Variants in IPO8 observed in about 807,000 individuals in gnomAD.
The protein encoded by IPO8 is importin 8.
Under a neutral mutation model 141.2 loss-of-function variants are expected in IPO8, and 65 were observed. The observed-to-expected ratio is 0.46, with a 90% confidence interval of 0.38 to 0.57. The LOEUF (loss-of-function observed/expected upper bound fraction) is 0.57. IPO8 is among the 20% of genes least tolerant of loss of function. The probability of loss-of-function intolerance (pLI) is 0.00; values close to 1 mark genes in which losing one functional copy is unlikely to be tolerated. For missense variants in IPO8, 980 were observed against 1,246.8 expected, an observed-to-expected ratio of 0.79 and a Z score of 3.22; for synonymous variants, 411 against 420.3, an observed-to-expected ratio of 0.98 and a Z score of 0.27.
At chr12:30,652,882 A>T (rs1384640073) in intron 18 of IPO8, 85 bp downstream of exon 18, 1 of 1,199,524 alleles carries the variant, frequency 8.3e-7, no homozygotes, top group African/African-American at 1.5e-5. Flanking sequence ...CAATATTGGA[A>T]TCATATGTGT....
intron 17 of IPO8, among the ~76,000 whole-genome samples, chr12:30,655,229 T>A (rs1449452659): frequency 6.6e-6 from 1 of 152,174 alleles, no homozygotes; most frequent in Admixed American, 6.5e-5. Flanking sequence ...CAGAGTAGTT[T>A]CACTGCATAA....
intron 20 of IPO8, among the ~76,000 whole-genome samples, chr12:30,643,759 C>T (rs1191845332): frequency 6.6e-6 from 1 of 152,242 alleles, no homozygotes; most frequent in Non-Finnish European, 1.5e-5. Flanking sequence ...CATCCACTTC[C>T]CCTTTGACCT....
At chr12:30,693,262 G>A (rs1028325957) in intron 1 of IPO8, among the ~76,000 whole-genome samples, 4 of 152,138 alleles carry the variant, frequency 2.6e-5, no homozygotes, top group Non-Finnish European at 4.4e-5. Context: ...TATAGGGTTC[G>A]CTCAATATCC....
At chr12:30,670,117 T>C (rs555203271) in intron 9 of IPO8, among the ~76,000 whole-genome samples, 1 of 152,344 alleles carries the variant, frequency 6.6e-6, no homozygotes, top group African/African-American at 2.4e-5. Flanking sequence ...ATGAAATCAG[T>C]ATCTTTATTA....
intron 13 of IPO8, among the ~76,000 whole-genome samples, chr12:30,664,233 CT>C (rs1451212084): frequency 6.6e-6 from 1 of 152,174 alleles, no homozygotes; most frequent in African/African-American, 2.4e-5. Context: ...ATTCATATAA[CT>C]TCTCAAAGGT....
intron 2 of IPO8, among the ~76,000 whole-genome samples, chr12:30,685,049 T>C (rs1287787182): frequency 1.3e-5 from 2 of 152,218 alleles, no homozygotes; most frequent in African/African-American, 4.8e-5. Flanking sequence ...TCTGTTCTTT[T>C]TAATCGTCTT....
At chr12:30,658,193 C>T (rs1440804429) in intron 16 of IPO8, among the ~76,000 whole-genome samples, 1 of 152,148 alleles carries the variant, frequency 6.6e-6, no homozygotes. Context: ...ATGCTTAAAA[C>T]CATTAAACAA....
chr12:30,685,572 T>C (rs192801747), intron 2 of IPO8, among the ~76,000 whole-genome samples: 63 of 151,904 alleles, frequency 4.1e-4, no homozygotes, highest in Non-Finnish European at 7.5e-4. Flanking sequence ...ATAACTTTCT[T>C]CCCTTAAGCT....
intron 10 of IPO8, among the ~76,000 whole-genome samples, 180 bp downstream of exon 10, chr12:30,669,003 G>A (rs865819624): frequency 1.3e-5 from 2 of 152,126 alleles, no homozygotes; most frequent in African/African-American, 2.4e-5. Context: ...TCCCACATCC[G>A]ACAATCTCCA....
chr12:30,642,363 T>C (rs1188560655), intron 20 of IPO8, among the ~76,000 whole-genome samples: 1 of 152,078 alleles, frequency 6.6e-6, no homozygotes, highest in Non-Finnish European at 1.5e-5. Context: ...ACAGGTTCAA[T>C]AGAAACCCAA....
intron 3 of IPO8, among the ~76,000 whole-genome samples, chr12:30,682,321 C>T (rs946500033): frequency 5.9e-5 from 9 of 152,076 alleles, no homozygotes; most frequent in African/African-American, 2.2e-4. Context: ...AACCCAACAT[C>T]GTATGTTGAA....
At chr12:30,652,885 A>G (rs1287664253) in intron 18 of IPO8, 82 bp downstream of exon 18, 5 of 1,211,838 alleles carry the variant, frequency 4.1e-6, no homozygotes, top group Non-Finnish European at 5.8e-6. Context: ...TATTGGAATC[A>G]TATGTGTTTT....
intron 16 of IPO8, among the ~76,000 whole-genome samples, chr12:30,660,931 AC>A (rs373936207): frequency 0.54 from 80,504 of 148,688 alleles, 22,544 homozygotes; most frequent in African/African-American, 0.67. Flanking sequence ...TATAATATTT[AC>A]ATTATAATAT....
chr12:30,662,495 A>G lies in IPO8; in HGVS notation c.1595-8T>C, dbSNP rs145854587. ...GCTTCATATATTCCTTAGCTAATTC[A>G]ATAAAACAAACAAAAGTAATAAAAA... On this transcript the variant is annotated splice_region_variant and splice_polypyrimidine_tract_variant and intron_variant, in intron 14 of 24. Coordinates refer to ENST00000256079, the MANE Select transcript of IPO8 (RefSeq NM_006390.4). 557 of 1,602,718 alleles carry G rather than the reference A, an allele frequency of 3.5e-4. 5 individuals are homozygous for G. The East Asian group carries it at 0.012, about 35-fold the overall frequency.
chr12:30,637,168 AC>A lies in IPO8; in HGVS notation c.2508del (p.Met836IlefsTer3). 1 of 1,613,566 alleles carries A rather than the reference AC, an allele frequency of 6.2e-7. No homozygotes were observed. Among genetic ancestry groups the A allele is most frequent in the Middle Eastern group, 1.7e-4 (1 of 6,058 alleles). ...AAAAGGATACTCAGTCCTATTATAC[AC>A]ATCTTCCGGTCATGATGCCTGCAAA... Reference protein sequence around the residue: ...DCFLGHHDRKMCIIGLSILLE... With the variant: ...DCFLGHHDRKXCIIGLSILLE... On this transcript the variant is annotated frameshift_variant, in exon 22 of 25. Transcript: ENST00000256079. LOFTEE classifies it high-confidence loss of function.
intron 8 of IPO8, among the ~76,000 whole-genome samples, chr12:30,671,674 CAAAAA>C (rs71052423): frequency 1.8e-5 from 1 of 56,474 alleles, no homozygotes; most frequent in African/African-American, 7.3e-5. Flanking sequence ...GACTCTGCCT[CAAAAA>C]AAAAAAAAAA....
intron 16 of IPO8, among the ~76,000 whole-genome samples, chr12:30,660,189 C>A (rs150132770): frequency 6.6e-6 from 1 of 152,170 alleles, no homozygotes; most frequent in Non-Finnish European, 1.5e-5. Flanking sequence ...TGCCACTGCA[C>A]GCCAGCCTAG....
chr12:30,643,756 T>C (rs1277531288), intron 20 of IPO8, among the ~76,000 whole-genome samples: 2 of 152,220 alleles, frequency 1.3e-5, no homozygotes, highest in Non-Finnish European at 2.9e-5. Context: ...ATACATCCAC[T>C]TCCCCTTTGA....
chr12:30,684,352 T>C lies in IPO8; in HGVS notation c.272A>G (p.Gln91Arg), dbSNP rs1565510289. ...TCCTTCCACAATGTTATCACGTATTTGCTGGCGATCGTTTTCGTGAATGTT... is the reference window on the plus strand; with the variant it reads ...TCCTTCCACAATGTTATCACGTATTCGCTGGCGATCGTTTTCGTGAATGTT... ...PFNIHENDRQ[Q>R]IRDNIVEGII... The change falls in exon 3 of 25, where the codon CAA (glutamine) becomes CGA (arginine). Residue 91 changes from glutamine (Q) to arginine (R), a missense_variant. This residue lies in a region of IPO8 where 924 missense variants were observed against 1,153.9 expected (regional missense o/e 0.80). Transcript: ENST00000256079. 6.2e-7 allele frequency: 1 copy of C among 1,614,188 alleles called. No homozygotes were observed. The highest frequency in any genetic ancestry group is 1.7e-5 in the Admixed American group (1 of 60,026).
Sources: allele counts gnomAD v4.1 joint callset (sites outside exome capture counted in the v4.1 genomes callset), GRCh38; gene constraint gnomAD v4.1.1; regional missense constraint gnomAD v4.1.1; transcripts MANE v1.5; gene names NCBI Gene and HGNC (gene_info 2026-07-23, HGNC 2026-07-21).